The following PRSS12 variants were observed in gnomAD, a reference collection of about 807,000 sequenced individuals.
PRSS12 encodes the protein serine protease 12.
A neutral mutation model predicts 104.4 loss-of-function variants in PRSS12; 85 were observed. That is an observed-to-expected ratio of 0.81 (90% CI 0.68 to 0.98). The LOEUF (loss-of-function observed/expected upper bound fraction) is 0.98. Among genes scored for constraint, PRSS12 ranks in the 50% least tolerant of loss-of-function variants. The probability of loss-of-function intolerance (pLI) is 0.00; values close to 1 mark genes in which losing one functional copy is unlikely to be tolerated. For missense variants in PRSS12, 1,141 were observed against 1,139.2 expected (o/e 1.00, Z -0.02); for synonymous variants, 454 against 425.2 (o/e 1.07, Z -0.83).
intron 11 of PRSS12, among the ~76,000 whole-genome samples, chr4:118,283,569 C>G (rs970610033): frequency 6.6e-6 from 1 of 152,182 alleles, no homozygotes; most frequent in East Asian, 1.9e-4. Flanking sequence ...TAAACTACTT[C>G]CCTTTCCTCT....
rs191638317 is a variant in PRSS12 at position 118,281,362 on chromosome 4, T to C, written c.*574A>G. 1.4e-3 allele frequency: 218 copies of C among 158,394 alleles called. 1 individual carries two copies. Among genetic ancestry groups the C allele is most frequent in the Non-Finnish European group, 1.1e-3 (80 of 71,216 alleles). The allele number at this position is 158,394 out of a possible 1,614,324, so 9.8% of individuals were successfully genotyped here. Reference sequence around the variant, plus strand: ...ATATCAGATCACTTTGAGAATATATTGTGACAGGCAGATGTCCTTGAGGCT... The same window carrying C: ...ATATCAGATCACTTTGAGAATATATCGTGACAGGCAGATGTCCTTGAGGCT... On this transcript the variant is annotated 3_prime_UTR_variant, in exon 13 of 13. Coordinates refer to ENST00000296498, the MANE Select transcript of PRSS12 (RefSeq NM_003619.4).
chr4:118,349,104 A>G (rs1284487028), intron 1 of PRSS12, among the ~76,000 whole-genome samples: 10 of 152,114 alleles, frequency 6.6e-5, no homozygotes, highest in Non-Finnish European at 1.2e-4. Context: ...CTTGGCTTCA[A>G]TCAACTCTTC....
intron 4 of PRSS12, among the ~76,000 whole-genome samples, chr4:118,319,207 A>G (rs1723539494): frequency 6.6e-6 from 1 of 152,118 alleles, no homozygotes; most frequent in Non-Finnish European, 1.5e-5. Context: ...ATACAGGTAT[A>G]TGCCACCACA....
intron 1 of PRSS12, among the ~76,000 whole-genome samples, chr4:118,351,503 T>C (rs1724504398): frequency 6.6e-6 from 1 of 152,226 alleles, no homozygotes; most frequent in Non-Finnish European, 1.5e-5. Context: ...TGTTACCAAC[T>C]AATCCTGATA....
chr4:118,292,104 T>C (rs1352310354), intron 11 of PRSS12, among the ~76,000 whole-genome samples: 1 of 151,464 alleles, frequency 6.6e-6, no homozygotes. Flanking sequence ...TCTTCCCATA[T>C]ATGAAAAAAA....
At position 118,281,073 on chromosome 4, in the gene PRSS12, GCAGGTATAAGTCAGTTA is replaced by G. The variant is rs1742835459; in HGVS notation, c.*846_*862del. On this transcript the variant is annotated 3_prime_UTR_variant, in exon 13 of 13. Coordinates refer to ENST00000296498, the MANE Select transcript of PRSS12 (RefSeq NM_003619.4). Reference sequence around the variant, plus strand: ...TATCAGGTTGGGCTTGGGAAAACCTGCAGGTATAAGTCAGTTACAGGGAAGTGTCAGTGGGTGGCACT... The same window carrying G: ...TATCAGGTTGGGCTTGGGAAAACCTGCAGGGAAGTGTCAGTGGGTGGCACT... 1 of 152,260 alleles carries G rather than the reference GCAGGTATAAGTCAGTTA, an allele frequency of 6.6e-6. No individual in the cohort carries two copies. The highest frequency in any genetic ancestry group is 1.5e-5 in the Non-Finnish European group (1 of 68,070). 9.4% of individuals were successfully genotyped at this position (152,260 alleles called of 1,614,324 possible).
intron 1 of PRSS12, among the ~76,000 whole-genome samples, chr4:118,342,453 G>A (rs939994877): frequency 6.6e-6 from 1 of 152,150 alleles, no homozygotes. Context: ...GTGATCCAGC[G>A]TTGCACTGTC....
chr4:118,307,389 T>A (rs919422158), intron 8 of PRSS12, among the ~76,000 whole-genome samples: 1 of 152,154 alleles, frequency 6.6e-6, no homozygotes, highest in Non-Finnish European at 1.5e-5. Flanking sequence ...GTATTCTTTA[T>A]AGAAAATAAC....
rs1438114343 is a variant in PRSS12, at chr4:118,352,787, G to A, written c.-67C>T. 7.6e-6 allele frequency: 12 copies of A among 1,587,078 alleles called. No individual in the cohort carries two copies. Among genetic ancestry groups the A allele is most frequent in the South Asian group, 1.1e-5 (1 of 87,796 alleles). ...TCGGGCTTGGAGCGGAGAAGAGGAG[G>A]GGGCGGGGGCGGGGCTGCCGCGTCC... is the stretch of plus-strand genomic sequence containing the variant. On this transcript the variant is annotated 5_prime_UTR_variant, in exon 1 of 13. Coordinates refer to ENST00000296498, the MANE Select transcript of PRSS12 (RefSeq NM_003619.4).
chr4:118,350,845 C>T (rs566203580), intron 1 of PRSS12, among the ~76,000 whole-genome samples: 1 of 152,336 alleles, frequency 6.6e-6, no homozygotes, highest in South Asian at 2.1e-4. Flanking sequence ...TTCTCTCCTA[C>T]ACATTCATTC....
At chr4:118,340,516 A>C (rs1454773101) in intron 1 of PRSS12, among the ~76,000 whole-genome samples, 5 of 152,352 alleles carry the variant, frequency 3.3e-5, no homozygotes, top group Middle Eastern at 3.4e-3. Flanking sequence ...CCTAGGACTC[A>C]GAATGAGTAT....
intron 4 of PRSS12, among the ~76,000 whole-genome samples, chr4:118,329,319 A>G (rs1044499429): frequency 3.9e-5 from 6 of 152,202 alleles, no homozygotes; most frequent in Admixed American, 3.9e-4. Flanking sequence ...CCACAAATAT[A>G]TTAATAATCA....
At chr4:118,346,783 C>T (rs957072415) in intron 1 of PRSS12, among the ~76,000 whole-genome samples, 19 of 152,244 alleles carry the variant, frequency 1.2e-4, no homozygotes, top group South Asian at 1.2e-3. Context: ...CCTAGGAGCT[C>T]GAACTCCATT....
intron 2 of PRSS12, among the ~76,000 whole-genome samples, chr4:118,336,338 C>T (rs1275723233): frequency 6.6e-6 from 1 of 152,122 alleles, no homozygotes; most frequent in East Asian, 1.9e-4. Flanking sequence ...CTGCTTTTAG[C>T]TCATCTAATC....
At chr4:118,301,695 C>G (rs2126030028) in intron 8 of PRSS12, among the ~76,000 whole-genome samples, 1 of 152,166 alleles carries the variant, frequency 6.6e-6, no homozygotes, top group Admixed American at 6.5e-5. Flanking sequence ...AAAGTGTATT[C>G]CTAGTTTTTG....
chr4:118,294,531 A>G (rs1743209779), intron 11 of PRSS12, among the ~76,000 whole-genome samples: 1 of 152,250 alleles, frequency 6.6e-6, no homozygotes, highest in African/African-American at 2.4e-5. Flanking sequence ...AACCTTTCTC[A>G]AAGGTACAAG....
rs531608551 is a variant in PRSS12, at chr4:118,284,282, G to A, written c.2040-1171C>T. Among the ~76,000 whole-genome samples, 16 of 152,242 alleles carry A rather than the reference G, an allele frequency of 1.1e-4. 1 individual carries two copies. In the South Asian group the frequency reaches 2.7e-3, roughly 26 times the overall value. On this transcript the variant is annotated intron_variant, in intron 11 of 12. Transcript: ENST00000296498. ...CAAAAATGTCTCCAGACATAGTCACGTGTTCCCTGTTAGGCAAACTGCCCC... is the reference window on the plus strand; with the variant it reads ...CAAAAATGTCTCCAGACATAGTCACATGTTCCCTGTTAGGCAAACTGCCCC...
chr4:118,314,572 G>T (rs903056184), intron 6 of PRSS12, among the ~76,000 whole-genome samples: 5 of 152,008 alleles, frequency 3.3e-5, no homozygotes, highest in Non-Finnish European at 7.4e-5. Context: ...CTTTGGAATT[G>T]CATTTGTACA....
chr4:118,327,986 G>C (rs1463911909), intron 4 of PRSS12, among the ~76,000 whole-genome samples: 1 of 152,202 alleles, frequency 6.6e-6, no homozygotes, highest in Admixed American at 6.5e-5. Context: ...GCATGATGTA[G>C]TTTCCCTGTG....
Sources: gnomAD v4.1 joint callset for allele counts (sites outside exome capture counted in the v4.1 genomes callset) on GRCh38, gnomAD v4.1.1 for gene constraint, MANE v1.5 for transcripts, NCBI Gene and HGNC (gene_info 2026-07-23, HGNC 2026-07-21) for gene names.